Variants in TP53BP1 observed in about 807,000 individuals in gnomAD.
The protein encoded by TP53BP1 is TP53-binding protein 1.
In TP53BP1, 61 loss-of-function variants were observed where a neutral mutation model predicts 200.8. That is an observed-to-expected ratio of 0.30 (90% CI 0.25 to 0.38). The LOEUF (loss-of-function observed/expected upper bound fraction) is 0.38. TP53BP1 is among the 10% of genes least tolerant of loss of function. The pLI is 1.00. For synonymous variants in TP53BP1, 822 were observed against 844.3 expected (o/e 0.97, Z 0.46); for missense variants, 2,144 against 2,371.9 (o/e 0.90, Z 2.00).
rs998985608 is a variant in TP53BP1, at chr15:43,404,595, G to A, written c.*2788C>T. On this transcript the variant is annotated 3_prime_UTR_variant, in exon 28 of 28. Transcript: ENST00000382044. ...GTAACTCAGTAGACTTTTTAAGGTG[G>A]CTTTTTAATGAGTTGTAGAATTCTA... is the stretch of plus-strand genomic sequence containing the variant. The A allele has an allele frequency of 1.2e-6, 2 of 1,600,458 alleles. No homozygotes were observed. The highest frequency in any genetic ancestry group is 1.3e-5 in the African/African-American group (1 of 74,324).
rs2044837420 is a variant in TP53BP1, at chr15:43,405,447, C to T, written c.*1936G>A. On this transcript the variant is annotated 3_prime_UTR_variant, in exon 28 of 28. Transcript: ENST00000382044. ...AACATGTGGCATCTCTGATCCTTTA[C>T]ATTGAGAACATTTGTTGGATATGTT... 1 of 581,458 alleles carries T rather than the reference C, an allele frequency of 1.7e-6. No homozygotes were observed. Among genetic ancestry groups the T allele is most frequent in the African/African-American group, 1.9e-5 (1 of 53,536 alleles). 36.0% of individuals were successfully genotyped at this position (581,458 alleles called of 1,614,324 possible).
At chr15:43,481,262 G>A (rs763894890) in intron 4 of TP53BP1, among the ~76,000 whole-genome samples, 2 of 152,096 alleles carry the variant, frequency 1.3e-5, no homozygotes, top group Non-Finnish European at 2.9e-5. Context: ...ATATTTTTGA[G>A]AAGAGGCAGA....
chr15:43,432,536 C>T lies in TP53BP1; in HGVS notation c.3333G>A (p.Lys1111=), dbSNP rs769644773. The change falls in exon 17 of 28, where the codon AAG becomes AAA. Residue 1111 remains lysine (K), a synonymous_variant. Coordinates refer to ENST00000382044, the MANE Select transcript of TP53BP1 (RefSeq NM_001141980.3). ...VKDPVSPASQ[K]MVIQGPSSPQ... ...GACTGGATGGCCCTTGTATGACCAT[C>T]TTCTGGGAAGCAGGAGAAACAGGGT... The T allele has an allele frequency of 1.9e-6, 3 of 1,614,186 alleles. No individual in the cohort carries two copies. The highest frequency in any genetic ancestry group is 1.3e-5 in the African/African-American group (1 of 75,048).
chr15:43,480,903 C>G lies in TP53BP1; in HGVS notation c.491G>C (p.Gly164Ala). The G allele has an allele frequency of 6.2e-7, 1 of 1,614,104 alleles. No homozygotes were observed. Among genetic ancestry groups the G allele is most frequent in the Non-Finnish European group, 8.5e-7 (1 of 1,179,990 alleles). Residue 164 changes from glycine (G) to alanine (A), a missense_variant, in exon 5 of 28, where the codon GGT becomes GCT. By Grantham distance (60) the Gly-to-Ala change is moderately conservative (BLOSUM62 0). This residue lies in a region of TP53BP1 where 1,700 missense variants were observed against 1,710.3 expected (regional missense o/e 0.99). Transcript: ENST00000382044. ...DTSGNTTHSL[G>A]AEDTASSQLG... ...AAAAAGCACAAGGCTACCTTCAGCA[C>G]CAAGGGAATGTGTAGTATTGCCTGA... is the stretch of plus-strand genomic sequence containing the variant.
At chr15:43,491,921 C>T (rs2079129353) in intron 3 of TP53BP1, 81 bp downstream of exon 3, 1 of 1,226,544 alleles carries the variant, frequency 8.2e-7, no homozygotes, top group African/African-American at 1.5e-5. Flanking sequence ...TTCGACACAA[C>T]CACATAAAGT....
At chr15:43,479,562 T>A (rs544742414) in intron 6 of TP53BP1, 36 bp from the exon 7 acceptor site, 1 of 1,589,522 alleles carries the variant, frequency 6.3e-7, no homozygotes, top group Non-Finnish European at 8.6e-7. Context: ...AGGAGATAAT[T>A]AAGTTTTCAA....
intron 16 of TP53BP1, among the ~76,000 whole-genome samples, chr15:43,436,380 T>C (rs2045799046): frequency 1.3e-5 from 2 of 152,204 alleles, no homozygotes; most frequent in African/African-American, 2.4e-5. Context: ...ACTCACTTCA[T>C]AATGAAAATA....
chr15:43,405,313 C>T lies in TP53BP1; in HGVS notation c.*2070G>A, dbSNP rs886350738. The T allele has an allele frequency of 4.5e-5, 63 of 1,389,168 alleles. No homozygotes were observed. Among genetic ancestry groups the T allele is most frequent in the African/African-American group, 1.0e-4 (7 of 70,050 alleles). The allele number at this position is 1,389,168 out of a possible 1,614,324, so 86.1% of individuals were successfully genotyped here. A position where few individuals can be genotyped will look rare whatever the true frequency, so the allele number is the denominator to read the frequency against. ...CTAGCCACACACAAATAAATATCTG[C>T]GGCTTAGTGATAGGACTCTACCTTT... On this transcript the variant is annotated 3_prime_UTR_variant, in exon 28 of 28. Transcript: ENST00000382044.
At position 43,405,571 on chromosome 15, in the gene TP53BP1, G is replaced by A. The variant is rs2044841559; in HGVS notation, c.*1812C>T. ...GTAAACAAACAATATAGAGCAGAAA[G>A]TTAAATATTTTATGGTTCATATGTG... On this transcript the variant is annotated 3_prime_UTR_variant, in exon 28 of 28. Transcript: ENST00000382044. 4.2e-6 allele frequency: 1 copy of A among 236,242 alleles called. No homozygotes were observed. The allele number at this position is 236,242 out of a possible 1,614,324, so 14.6% of individuals were successfully genotyped here. A position where few individuals can be genotyped will look rare whatever the true frequency, so the allele number is the denominator to read the frequency against.
chr15:43,411,027 C>T (rs1017883102), intron 24 of TP53BP1, among the ~76,000 whole-genome samples: 2 of 152,214 alleles, frequency 1.3e-5, no homozygotes, highest in Non-Finnish European at 2.9e-5. Flanking sequence ...TCACAATCTT[C>T]AGCACCAAGA....
Position 43,502,869 on chromosome 15 carries a change from C to T in TP53BP1, c.-9+7501G>A, listed in dbSNP as rs183954811. ...CTCCCGGGTTCAAGCGATTCTTGTA[C>T]AACCTCCCAAGTAGCTGGGATTACA... On this transcript the variant is annotated intron_variant, in intron 1 of 27. Coordinates refer to the TP53BP1 transcript ENST00000263801. Among the ~76,000 whole-genome samples the T allele has an allele frequency of 4.0e-3, 615 of 152,126 alleles. 3 individuals carry two copies. Among genetic ancestry groups the T allele is most frequent in the African/African-American group, 0.014 (572 of 41,498 alleles).
At chr15:43,427,504 G>A (rs2045569038) in intron 18 of TP53BP1, among the ~76,000 whole-genome samples, 1 of 152,154 alleles carries the variant, frequency 6.6e-6, no homozygotes, top group South Asian at 2.1e-4. Context: ...ACTAACCAAT[G>A]GTCAAACAGC....
intron 14 of TP53BP1, among the ~76,000 whole-genome samples, chr15:43,446,132 G>T (rs1410462157): frequency 6.6e-6 from 1 of 152,088 alleles, no homozygotes; most frequent in South Asian, 2.1e-4. Context: ...ACCCTATTCT[G>T]AAGTCTTTCT....
intron 15 of TP53BP1, chr15:43,441,134 C>A: frequency 6.1e-6 from 1 of 163,220 alleles, no homozygotes; most frequent in East Asian, 1.7e-4. Flanking sequence ...AGAAAATGAC[C>A]TGAGGCTGCA....
chr15:43,466,448 A>C (rs937322724), intron 11 of TP53BP1, among the ~76,000 whole-genome samples: 1 of 152,244 alleles, frequency 6.6e-6, no homozygotes. Flanking sequence ...AAAACTATTA[A>C]TAATATGTCA....
At position 43,441,584 on chromosome 15, in the gene TP53BP1, C is replaced by CTAT. The variant is rs771490870; in HGVS notation, c.3041-2_3041-1insATA. 6.2e-7 allele frequency: 1 copy of CTAT among 1,611,086 alleles called. No individual in the cohort carries two copies. The highest frequency in any genetic ancestry group is 1.1e-5 in the South Asian group (1 of 91,028). The stretch of plus-strand genomic sequence containing the variant: ...TTTTTTCTTTCACCAGTTGCAGGCT[C>CTAT]TGAATAAAAACAAAACCAAGGAGAG... On this transcript the variant is annotated splice_acceptor_variant, in intron 14 of 27. Coordinates refer to ENST00000382044, the MANE Select transcript of TP53BP1 (RefSeq NM_001141980.3).
At chr15:43,508,230 C>T (rs963655879) in intron 1 of TP53BP1, among the ~76,000 whole-genome samples, 3 of 152,036 alleles carry the variant, frequency 2.0e-5, no homozygotes, top group African/African-American at 4.8e-5. Context: ...CATGGTGGCG[C>T]ACGCCTGTAG....
intron 16 of TP53BP1, among the ~76,000 whole-genome samples, chr15:43,436,615 C>A (rs1343157818): frequency 6.6e-6 from 1 of 151,752 alleles, no homozygotes. Context: ...GCTGGGACCA[C>A]AAGCGCATGC....
chr15:43,494,801 T>A (rs1385777906), upstream of TP53BP1, among the ~76,000 whole-genome samples: 4 of 152,194 alleles, frequency 2.6e-5, no homozygotes, highest in Non-Finnish European at 4.4e-5. Context: ...AAGTTACCAT[T>A]TTTTTGCTTT....
Sources: allele counts gnomAD v4.1 joint callset (sites outside exome capture counted in the v4.1 genomes callset), GRCh38; gene constraint gnomAD v4.1.1; regional missense constraint gnomAD v4.1.1; transcripts MANE v1.5; gene names NCBI Gene and HGNC (gene_info 2026-07-23, HGNC 2026-07-21).